COL17A1: variants seen among roughly 807,000 people sequenced by gnomAD.
COL17A1 encodes collagen type XVII alpha 1 chain, also known as collagen alpha-1(XVII) chain.
Under a neutral mutation model 218.4 loss-of-function variants are expected in COL17A1, and 181 were observed. That is an observed-to-expected ratio of 0.83 (90% CI 0.73 to 0.94). COL17A1 has a LOEUF of 0.94. Ranked by LOEUF, COL17A1 falls within the 40% of genes least tolerant of loss-of-function variation. COL17A1 has a pLI of 0.00. For synonymous variants in COL17A1, 721 were observed against 731.0 expected, an observed-to-expected ratio of 0.99 and a Z score of 0.22; for missense variants, 1,924 against 1,945.9, an observed-to-expected ratio of 0.99 and a Z score of 0.21.
chr10:104,049,805 G>A (rs756418534), intron 28 of COL17A1, among the ~76,000 whole-genome samples: 11 of 152,284 alleles, frequency 7.2e-5, no homozygotes, highest in East Asian at 1.9e-4. Context: ...CTGCTGCTTC[G>A]GGAAGAGCTT....
At chr10:104,035,428 G>A (rs2086270051) in intron 49 of COL17A1, 46 bp downstream of exon 49, 1 of 1,613,218 alleles carries the variant, frequency 6.2e-7, no homozygotes, top group African/African-American at 1.3e-5. Context: ...AAGGGACTCT[G>A]CTTCCTCCCC....
At chr10:104,036,336 TCA>T (rs1450417605) in intron 48 of COL17A1, among the ~76,000 whole-genome samples, 154 bp downstream of exon 48, 1 of 151,526 alleles carries the variant, frequency 6.6e-6, no homozygotes, top group African/African-American at 2.4e-5. Flanking sequence ...TGCTCCAGGC[TCA>T]CAGGTTTGAA....
At chr10:104,046,056 CT>C (rs918375754) in intron 32 of COL17A1, among the ~76,000 whole-genome samples, 2 of 152,202 alleles carry the variant, frequency 1.3e-5, no homozygotes, top group South Asian at 2.1e-4. Flanking sequence ...GGTTCCATCC[CT>C]TGGGGTTATG....
intron 2 of COL17A1, 107 bp from the exon 3 acceptor site, chr10:104,078,693 G>A: frequency 2.7e-6 from 4 of 1,467,082 alleles, no homozygotes; most frequent in Middle Eastern, 1.7e-4. Context: ...AATTAGGTTC[G>A]ACATTGATTT....
At chr10:104,081,978 A>T (rs1018323906) in intron 1 of COL17A1, among the ~76,000 whole-genome samples, 1 of 152,228 alleles carries the variant, frequency 6.6e-6, no homozygotes, top group African/African-American at 2.4e-5. Context: ...AGGGACCGTG[A>T]AAGTCATACT....
intron 55 of COL17A1, 43 bp downstream of exon 55, chr10:104,032,631 C>T (rs748055142): frequency 3.2e-6 from 5 of 1,579,318 alleles, no homozygotes; most frequent in Admixed American, 1.7e-5. Context: ...GTCAGCCTTG[C>T]AGCCCTCCAG....
intron 11 of COL17A1, among the ~76,000 whole-genome samples, chr10:104,062,925 T>C (rs1272456198): frequency 6.6e-6 from 1 of 152,236 alleles, no homozygotes; most frequent in Non-Finnish European, 1.5e-5. Context: ...GGGCACAATA[T>C]CAAGGATCTG....
chr10:104,077,491 A>T lies in COL17A1; in HGVS notation c.133T>A (p.Ser45Thr), dbSNP rs746072429. ...GTSNGYAKTA[S>T]LGGGSRLEKQ... ...TCCAGCCGGCTCCCTCCACCAAGAG[A>T]GGCTGTTTTAGCATAGCCATTGCTG... The change falls in exon 4 of 56, where the codon TCT (serine) becomes ACT (threonine). Residue 45 changes from serine (S) to threonine (T), a missense_variant. Transcript: ENST00000648076. 6.2e-7 allele frequency: 1 copy of T among 1,612,964 alleles called. No individual in the cohort carries two copies. The highest frequency in any genetic ancestry group is 1.7e-5 in the Admixed American group (1 of 59,914).
Position 104,055,847 on chromosome 10 carries a change from T to C in COL17A1, c.1622A>G (p.His541Arg). 1 of 1,614,238 alleles carries C rather than the reference T, an allele frequency of 6.2e-7. No homozygotes were observed. The highest frequency in any genetic ancestry group is 8.5e-7 in the Non-Finnish European group (1 of 1,180,044). The change falls in exon 18 of 56, where the codon CAC becomes CGC. Residue 541 changes from histidine (H) to arginine (R), a missense_variant. By Grantham distance (29) the His-to-Arg change is conservative. Transcript: ENST00000648076. ...AGADLDKIGL[H>R]SDSQEELWMF... Reference sequence around the variant, plus strand: ...CCAGAGCTCCTCCTGGCTGTCACTGTGCAGCCCAATTTTGTCCAGGTCTGC... The same window carrying C: ...CCAGAGCTCCTCCTGGCTGTCACTGCGCAGCCCAATTTTGTCCAGGTCTGC...
chr10:104,038,589 C>T, intron 44 of COL17A1, 61 bp from the exon 45 acceptor site: 1 of 1,597,452 alleles, frequency 6.3e-7, no homozygotes, highest in South Asian at 1.1e-5. Flanking sequence ...ACAAACGGGC[C>T]CAGGAATAGC....
chr10:104,043,638 G>A, intron 34 of COL17A1, 57 bp from the exon 35 acceptor site: 1 of 1,593,326 alleles, frequency 6.3e-7, no homozygotes, highest in Middle Eastern at 1.7e-4. Flanking sequence ...CAGAGGCGCT[G>A]GGACCCAAGC....
Position 104,082,540 on chromosome 10 carries a change from T to C in COL17A1, c.-11-1856A>G, listed in dbSNP as rs1015541658. ...CTTTCTAGGATGGTACCTGAACTGA[T>C]ATGAAATATTATCCTGAAATGAACT... On this transcript the variant is annotated intron_variant, in intron 1 of 55. Transcript: ENST00000648076. Among the ~76,000 whole-genome samples, 4 of 152,320 alleles carry C rather than the reference T, an allele frequency of 2.6e-5. No homozygotes were observed. In the South Asian group the frequency reaches 8.3e-4, roughly 32 times the overall value.
chr10:104,056,970 C>CG lies in COL17A1; in HGVS notation c.1465+4dup, dbSNP rs1564679879. Reference sequence around the variant, plus strand: ...ACAGGCTGCCCTGCTGCCTTTGCCACGTACCCAGAGCAATGAGGCCGAAGA... The same window carrying CG: ...ACAGGCTGCCCTGCTGCCTTTGCCACGGTACCCAGAGCAATGAGGCCGAAGA... On this transcript the variant is annotated splice_donor_region_variant and intron_variant, in intron 17 of 55. Coordinates refer to ENST00000648076, the MANE Select transcript of COL17A1 (RefSeq NM_000494.4). The CG allele has an allele frequency of 6.4e-7, 1 of 1,566,750 alleles. No homozygotes were observed. The highest frequency in any genetic ancestry group is 1.2e-5 in the South Asian group (1 of 86,352).
intron 25 of COL17A1, 61 bp downstream of exon 25, chr10:104,051,420 T>C: frequency 1.9e-6 from 3 of 1,601,852 alleles, no homozygotes; most frequent in South Asian, 1.1e-5. Flanking sequence ...TTGGTTTTCC[T>C]TTTAACATTG....
chr10:104,076,760 A>G (rs768435653), intron 4 of COL17A1, among the ~76,000 whole-genome samples: 3 of 152,318 alleles, frequency 2.0e-5, no homozygotes, highest in Middle Eastern at 6.8e-3. Context: ...CTTTTGGTCA[A>G]CCTGGCTGTT....
rs1442277088 is a variant in COL17A1 at position 104,043,578 on chromosome 10, C to G, written c.2438G>C (p.Gly813Ala). The G allele has an allele frequency of 3.1e-6, 5 of 1,613,850 alleles. No homozygotes were observed. The African/African-American group carries it at 6.7e-5, about 22-fold the overall frequency. ...GAPGKIVTSE[G>A]SSMLTVPGPP... is the part of the protein sequence containing the mutation. ...GCCTGGGACAGTGAGCATCGATGAC[C>G]CCTCTGAAAACAGAAGGCACATGGA... The change falls in exon 35 of 56, where the codon GGG becomes GCG. Residue 813 changes from glycine to alanine, a missense_variant. By Grantham distance (60) the Gly-to-Ala change is moderately conservative. Coordinates refer to ENST00000648076, the MANE Select transcript of COL17A1 (RefSeq NM_000494.4).
At position 104,039,105 on chromosome 10, in the gene COL17A1, TG is replaced by T; in HGVS notation, c.2912del (p.Pro971GlnfsTer95). ...PKGDKGDPGV[P>X]GALGIPSGPS... Reference sequence around the variant, plus strand: ...GACCACTAGGAATGCCAAGAGCCCCTGGAACACCTGGATCACCTGGAATCCA... The same window carrying T: ...GACCACTAGGAATGCCAAGAGCCCCTGAACACCTGGATCACCTGGAATCCA... On this transcript the variant is annotated frameshift_variant, in exon 44 of 56. Transcript: ENST00000648076. LOFTEE classifies it high-confidence loss of function. The T allele has an allele frequency of 6.2e-7, 1 of 1,614,148 alleles. No homozygotes were observed. The highest frequency in any genetic ancestry group is 8.5e-7 in the Non-Finnish European group (1 of 1,179,980).
At position 104,077,517 on chromosome 10, in the gene COL17A1, G is replaced by T; in HGVS notation, c.107C>A (p.Thr36Asn). Reference sequence around the variant, plus strand: ...GGCTGTTTTAGCATAGCCATTGCTGGTCCCGCCTTCTGCCAGGAACAAAAG... The same window carrying T: ...GGCTGTTTTAGCATAGCCATTGCTGTTCCCGCCTTCTGCCAGGAACAAAAG... Reference protein sequence around the residue: ...RLTSLPPKGGTSNGYAKTASL... With the variant: ...RLTSLPPKGGNSNGYAKTASL... The change falls in exon 4 of 56, where the codon ACC becomes AAC. Residue 36 changes from threonine to asparagine, a missense_variant. By Grantham distance (65) the Thr-to-Asn change is moderately conservative. Coordinates refer to ENST00000648076, the MANE Select transcript of COL17A1 (RefSeq NM_000494.4). The T allele has an allele frequency of 6.2e-7, 1 of 1,611,740 alleles. No individual in the cohort carries two copies. The highest frequency in any genetic ancestry group is 8.5e-7 in the Non-Finnish European group (1 of 1,179,158).
Position 104,078,532 on chromosome 10 carries a change from A to G in COL17A1, c.97+10T>C, listed in dbSNP as rs1455164662. On this transcript the variant is annotated intron_variant, in intron 3 of 55. Transcript: ENST00000648076. ...CTACTGAAAAGAAAGCTATTGAGGT[A>G]GTTACTTACTTGGTGGTAAGGATGT... 1.9e-6 allele frequency: 3 copies of G among 1,614,072 alleles called. No individual in the cohort carries two copies. In the African/African-American group the frequency reaches 4.0e-5, roughly 22 times the overall value.
Sources: gnomAD v4.1 joint callset for allele counts (sites outside exome capture counted in the v4.1 genomes callset) on GRCh38, gnomAD v4.1.1 for gene constraint, MANE v1.5 for transcripts, NCBI Gene and HGNC (gene_info 2026-07-23, HGNC 2026-07-21) for gene names.